GRIP1: variants seen among roughly 807,000 people sequenced by gnomAD.
GRIP1 encodes the protein glutamate receptor interacting protein 1, also known as glutamate receptor-interacting protein 1.
GRIP1 carries 45 observed loss-of-function variants against 129.9 expected under a neutral mutation model. That is an observed-to-expected ratio of 0.35 (90% confidence interval 0.27 to 0.44). GRIP1 has a LOEUF of 0.44. Among genes scored for constraint, GRIP1 ranks in the 20% least tolerant of loss-of-function variants. The pLI is 1.00. For missense variants in GRIP1, 1,196 were observed against 1,396.8 expected, an observed-to-expected ratio of 0.86 and a Z score of 2.29; for synonymous variants, 530 against 520.8, an observed-to-expected ratio of 1.02 and a Z score of -0.24.
Position 66,925,588 on chromosome 12 carries a change from A to C in GRIP1, c.58+143462T>G, listed in dbSNP as rs188918407. Among the ~76,000 whole-genome samples the C allele has an allele frequency of 5.9e-5, 9 of 152,348 alleles. No homozygotes were observed. The South Asian group carries it at 1.0e-3, about 18-fold the overall frequency. ...TCCAAACCTGGAGAATATACTACGA[A>C]TATAGATTATACTATAATCTACTAC... On this transcript the variant is annotated intron_variant, in intron 1 of 1. Coordinates refer to the GRIP1 transcript ENST00000643019.
Position 66,578,231 on chromosome 12 carries a change from G to GTTTTTTTTTTTTTTTTT in GRIP1, c.136+18615_136+18616insAAAAAAAAAAAAAAAAA, listed in dbSNP as rs1462512737. The stretch of plus-strand genomic sequence containing the variant: ...AGCCTGACTAATATGGCAAAACCGC[G>GTTTTTTTTTTTTTTTTT]GTTTTTTTTTTTTTTTTTGTAAAAA... On this transcript the variant is annotated intron_variant, in intron 2 of 24. Coordinates refer to ENST00000359742, the MANE Select transcript of GRIP1 (RefSeq NM_001366722.1). Among the ~76,000 whole-genome samples, 28 of 31,494 alleles carry GTTTTTTTTTTTTTTTTT rather than the reference G, an allele frequency of 8.9e-4. 1 individual carries two copies. Among genetic ancestry groups the GTTTTTTTTTTTTTTTTT allele is most frequent in the Admixed American group, 2.6e-3 (6 of 2,320 alleles). 20.7% of individuals were successfully genotyped at this position (31,494 alleles called of 152,430 possible).
intron 1 of GRIP1, among the ~76,000 whole-genome samples, chr12:66,667,563 T>C (rs1294436299): frequency 6.6e-6 from 1 of 152,192 alleles, no homozygotes; most frequent in Non-Finnish European, 1.5e-5. Context: ...CTATGTTTTC[T>C]TAACCACTTT....
chr12:66,442,348 C>T (rs1044471607), intron 13 of GRIP1, among the ~76,000 whole-genome samples: 2 of 152,234 alleles, frequency 1.3e-5, no homozygotes, highest in Non-Finnish European at 2.9e-5. Flanking sequence ...TACTCCCTTT[C>T]CCTAGCACGC....
At chr12:66,907,901 TAAG>T (rs2040961792) in intron 1 of GRIP1, among the ~76,000 whole-genome samples, 1 of 152,098 alleles carries the variant, frequency 6.6e-6, no homozygotes, top group Non-Finnish European at 1.5e-5. Context: ...CATGCCAACC[TAAG>T]AAGAAGACAT....
Position 66,501,382 on chromosome 12 carries a change from G to A in GRIP1, c.724+14237C>T, listed in dbSNP as rs139991784. Among the ~76,000 whole-genome samples, 948 of 152,268 alleles carry A rather than the reference G, an allele frequency of 6.2e-3. 8 individuals are homozygous for A. Among genetic ancestry groups the A allele is most frequent in the African/African-American group, 0.022 (906 of 41,558 alleles). On this transcript the variant is annotated intron_variant, in intron 7 of 24. Transcript: ENST00000359742. ...ATATTGTAGTCTTGTTTCTTTTGAA[G>A]CTATATACTATTATATAATGGCTAA...
At chr12:66,623,826 A>G (rs1197251266) in intron 1 of GRIP1, among the ~76,000 whole-genome samples, 2 of 152,184 alleles carry the variant, frequency 1.3e-5, no homozygotes, top group Non-Finnish European at 2.9e-5. Context: ...TACTCAAACA[A>G]CTACTTAAAA....
chr12:66,873,691 G>A (rs1194491169), intron 1 of GRIP1, among the ~76,000 whole-genome samples: 1 of 151,924 alleles, frequency 6.6e-6, no homozygotes, highest in African/African-American at 2.4e-5. Flanking sequence ...CTTACCACAA[G>A]TCCCTGGTGC....
chr12:66,570,728 T>C (rs1383456972), intron 2 of GRIP1, among the ~76,000 whole-genome samples: 3 of 152,208 alleles, frequency 2.0e-5, no homozygotes, highest in African/African-American at 7.2e-5. Flanking sequence ...CACCACCATA[T>C]GGTTTTGTCA....
intron 2 of GRIP1, among the ~76,000 whole-genome samples, chr12:66,586,312 C>T (rs1716487338): frequency 6.6e-6 from 1 of 152,184 alleles, no homozygotes; most frequent in African/African-American, 2.4e-5. Context: ...TTCTCTCCCT[C>T]TTTAGTGACA....
At chr12:66,428,539 G>A (rs541554640) in intron 14 of GRIP1, among the ~76,000 whole-genome samples, 1 of 152,278 alleles carries the variant, frequency 6.6e-6, no homozygotes, top group South Asian at 2.1e-4. Context: ...ATAGGATATA[G>A]GGAGTTTCAT....
intron 1 of GRIP1, among the ~76,000 whole-genome samples, chr12:66,844,112 TCAA>T (rs1171117553): frequency 1.3e-5 from 2 of 152,022 alleles, no homozygotes; most frequent in African/African-American, 4.8e-5. Flanking sequence ...ACAACAAAAA[TCAA>T]CCTGATTTTA....
At chr12:66,583,170 T>G (rs1225009268) in intron 2 of GRIP1, among the ~76,000 whole-genome samples, 1 of 151,320 alleles carries the variant, frequency 6.6e-6, no homozygotes, top group African/African-American at 2.4e-5. Context: ...GATTCCCTAT[T>G]TAATAAATGG....
intron 1 of GRIP1, among the ~76,000 whole-genome samples, chr12:66,860,478 C>T (rs565190556): frequency 6.6e-6 from 1 of 152,180 alleles, no homozygotes; most frequent in East Asian, 1.9e-4. Flanking sequence ...ATCACCTCAC[C>T]TCTATCCTCT....
At chr12:66,643,789 C>T (rs541668943) in intron 1 of GRIP1, among the ~76,000 whole-genome samples, 3 of 152,246 alleles carry the variant, frequency 2.0e-5, no homozygotes, top group African/African-American at 7.2e-5. Context: ...GTCTTGAACT[C>T]CTGGGCTCAA....
chr12:66,877,459 GA>G (rs1370514424), intron 1 of GRIP1, among the ~76,000 whole-genome samples: 1 of 151,926 alleles, frequency 6.6e-6, no homozygotes, highest in East Asian at 1.9e-4. Context: ...AGAAATTCTG[GA>G]ATAGGTAATA....
At chr12:66,477,968 G>A (rs1168402799) in intron 7 of GRIP1, among the ~76,000 whole-genome samples, 4 of 152,148 alleles carry the variant, frequency 2.6e-5, no homozygotes, top group African/African-American at 7.2e-5. Flanking sequence ...ATAGGGATGG[G>A]CAAGGACTTC....
At chr12:66,382,005 C>T (rs1031939912) in intron 19 of GRIP1, among the ~76,000 whole-genome samples, 7 of 152,280 alleles carry the variant, frequency 4.6e-5, no homozygotes, top group African/African-American at 1.2e-4. Flanking sequence ...ACAGGCAGAT[C>T]GCTTGAGCTT....
At chr12:66,827,383 TGTGTGAGA>T (rs1379585457) in intron 1 of GRIP1, among the ~76,000 whole-genome samples, 52 of 110,192 alleles carry the variant, frequency 4.7e-4, no homozygotes, top group Middle Eastern at 4.6e-3. Context: ...TGTGTGTGTG[TGTGTGAGA>T]GAGAGAGAGA....
chr12:66,953,059 T>C (rs1169071833), intron 1 of GRIP1, among the ~76,000 whole-genome samples: 2 of 152,202 alleles, frequency 1.3e-5, no homozygotes. Flanking sequence ...AAGTAAATTT[T>C]TTAAACATAG....
Sources: allele counts gnomAD v4.1 joint callset (sites outside exome capture counted in the v4.1 genomes callset), GRCh38; gene constraint gnomAD v4.1.1; transcripts MANE v1.5; gene names NCBI Gene and HGNC (gene_info 2026-07-23, HGNC 2026-07-21).